KIF17: variants seen among roughly 807,000 people sequenced by gnomAD.
KIF17 encodes the protein kinesin-like protein KIF17.
Under a neutral mutation model 96.8 loss-of-function variants are expected in KIF17, and 80 were observed. The ratio of observed to expected loss-of-function variants is 0.83; its 90% confidence interval spans 0.69 to 1.00. KIF17 has a LOEUF of 1.00. Ranked by LOEUF, KIF17 falls within the 50% of genes least tolerant of loss-of-function variation. KIF17 has a pLI of 0.00. For synonymous variants in KIF17, 567 were observed against 587.5 expected (o/e 0.97, Z 0.51); for missense variants, 1,280 against 1,372.9 (o/e 0.93, Z 1.07).
At chr1:20,712,508 A>T (rs2054455182) in intron 3 of KIF17, among the ~76,000 whole-genome samples, 1 of 144,436 alleles carries the variant, frequency 6.9e-6, no homozygotes, top group Non-Finnish European at 1.5e-5. Flanking sequence ...CAGCTTGGGC[A>T]ACGCAGCGAG....
At chr1:20,707,212 G>A (rs769924780) in intron 4 of KIF17, among the ~76,000 whole-genome samples, 5 of 152,188 alleles carry the variant, frequency 3.3e-5, no homozygotes, top group East Asian at 1.9e-4. Context: ...GCAGGGAACC[G>A]AGTCTGAGGA....
intron 4 of KIF17, among the ~76,000 whole-genome samples, chr1:20,706,998 A>G (rs2054353835): frequency 6.6e-6 from 1 of 152,094 alleles, no homozygotes; most frequent in Non-Finnish European, 1.5e-5. Context: ...CAGGAGGCTG[A>G]GGTGGGAGGG....
chr1:20,715,023 G>A (rs558403050), intron 2 of KIF17, among the ~76,000 whole-genome samples: 3 of 152,314 alleles, frequency 2.0e-5, no homozygotes, highest in Admixed American at 2.0e-4. Context: ...CTGCAGCCTG[G>A]ATGCCGGGAT....
intron 7 of KIF17, among the ~76,000 whole-genome samples, chr1:20,689,947 C>A (rs1292454686): frequency 6.6e-6 from 1 of 152,174 alleles, no homozygotes; most frequent in Non-Finnish European, 1.5e-5. Flanking sequence ...TGCTTGGGTT[C>A]AAATCCTGGC....
In KIF17 at chr1:20,690,339, G is replaced by GC; in HGVS notation, c.1234-5_1234-4insG. 6.2e-7 allele frequency: 1 copy of GC among 1,605,588 alleles called. No homozygotes were observed. The highest frequency in any genetic ancestry group is 8.5e-7 in the Non-Finnish European group (1 of 1,174,170). On this transcript the variant is annotated splice_polypyrimidine_tract_variant and splice_region_variant and intron_variant, in intron 6 of 14. Coordinates refer to ENST00000400463, the MANE Select transcript of KIF17 (RefSeq NM_001122819.3). ...GGGCCAGGCGCTCTTCATACTCCTGGGGGGGTGGGAGGGACCAGAGGGCAG... is the reference window on the plus strand; with the variant it reads ...GGGCCAGGCGCTCTTCATACTCCTGGCGGGGGTGGGAGGGACCAGAGGGCAG...
At chr1:20,669,558 TAATAATAAATA>T (rs1307192514) in intron 13 of KIF17, among the ~76,000 whole-genome samples, 7 of 118,114 alleles carry the variant, frequency 5.9e-5, no homozygotes, top group Admixed American at 8.8e-5. Flanking sequence ...ATAATAATAA[TAATAATAAATA>T]AAATAAAATA....
intron 2 of KIF17, among the ~76,000 whole-genome samples, chr1:20,715,001 G>C (rs763996629): frequency 6.6e-6 from 1 of 152,198 alleles, no homozygotes; most frequent in Non-Finnish European, 1.5e-5. Flanking sequence ...ATGGTCGCCA[G>C]GTAATTCTCA....
chr1:20,712,632 A>ATATATATAATATAGATATTATC (rs2054468749), intron 3 of KIF17, among the ~76,000 whole-genome samples: 1 of 26,854 alleles, frequency 3.7e-5, no homozygotes, highest in African/African-American at 1.2e-4. Flanking sequence ...GATAATATCT[A>ATATATATAATATAGATATTATC]TATATATAAT....
chr1:20,690,032 G>A (rs2054010080), intron 7 of KIF17, among the ~76,000 whole-genome samples, 156 bp downstream of exon 7: 2 of 152,206 alleles, frequency 1.3e-5, no homozygotes, highest in Admixed American at 6.5e-5. Flanking sequence ...TCTATATAGC[G>A]AGCATAATTG....
chr1:20,704,767 G>A lies in KIF17; in HGVS notation c.803C>T (p.Ser268Leu), dbSNP rs567226732. The A allele has an allele frequency of 1.3e-4, 211 of 1,611,800 alleles. 1 individual carries two copies. In the South Asian group the frequency reaches 2.1e-3, roughly 16 times the overall value. The stretch of plus-strand genomic sequence containing the variant: ...CGCCGAGATGACATTGCCCAGTGCC[G>A]AGAGCGACAGGTTGATCTTGGTGGC... ...KEATKINLSL[S>L]ALGNVISALV... The change falls in exon 5 of 15, where the codon TCG (serine) becomes TTG (leucine). Residue 268 changes from serine (S) to leucine (L), a missense_variant. Ser to Leu is a moderately radical substitution (Grantham distance 145). Coordinates refer to ENST00000400463, the MANE Select transcript of KIF17 (RefSeq NM_001122819.3). This position sits in a 1 kb window ranked among gnomAD's most constrained non-coding sequence, Gnocchi z 6.8.
Position 20,717,865 on chromosome 1 carries a change from G to T in KIF17, c.-159C>A, listed in dbSNP as rs1464577946. Reference sequence around the variant, plus strand: ...GGGGGGCGGGGACCCCTCGGGGGGCGCCCCGGAGGGGAGCTGGGCGTCGCA... The same window carrying T: ...GGGGGGCGGGGACCCCTCGGGGGGCTCCCCGGAGGGGAGCTGGGCGTCGCA... On this transcript the variant is annotated 5_prime_UTR_variant, in exon 1 of 15. Transcript: ENST00000400463. 2.1e-5 allele frequency: 8 copies of T among 384,608 alleles called. No individual in the cohort carries two copies. Among genetic ancestry groups the T allele is most frequent in the Non-Finnish European group, 2.5e-5 (8 of 319,094 alleles). 23.8% of individuals were successfully genotyped at this position (384,608 alleles called of 1,614,324 possible). A position where few individuals can be genotyped will look rare whatever the true frequency, so the allele number is the denominator to read the frequency against.
Position 20,687,801 on chromosome 1 carries a change from T to A in KIF17, c.1525A>T (p.Ser509Cys). The change falls in exon 8 of 15, where the codon AGT (serine) becomes TGT (cysteine). Residue 509 changes from serine (S) to cysteine (C), a missense_variant. Ser to Cys is a moderately radical substitution (Grantham distance 112). Coordinates refer to ENST00000400463, the MANE Select transcript of KIF17 (RefSeq NM_001122819.3). The surrounding 1 kb of genome is among the most constrained non-coding windows in gnomAD (Gnocchi z 4.4). ...KVFSTTDTLP[S>C]DDVSKTQVSS... ...ACCTGAGTCTTGGAGACATCGTCAC[T>A]GGGCAGAGTGTCAGTCGTGGAGAAG... is the stretch of plus-strand genomic sequence containing the variant. The A allele has an allele frequency of 6.2e-7, 1 of 1,614,162 alleles. No individual in the cohort carries two copies. The highest frequency in any genetic ancestry group is 8.5e-7 in the Non-Finnish European group (1 of 1,180,026).
In KIF17 at chr1:20,687,644, T is replaced by G; in HGVS notation, c.1682A>C (p.Asn561Thr). 6.2e-7 allele frequency: 1 copy of G among 1,614,130 alleles called. No individual in the cohort carries two copies. Among genetic ancestry groups the G allele is most frequent in the Non-Finnish European group, 8.5e-7 (1 of 1,180,014 alleles). The change falls in exon 8 of 15, where the codon AAC becomes ACC. Residue 561 changes from asparagine to threonine, a missense_variant. Coordinates refer to ENST00000400463, the MANE Select transcript of KIF17 (RefSeq NM_001122819.3). The surrounding 1 kb of genome is among the most constrained non-coding windows in gnomAD (Gnocchi z 4.4). ...EAFPGPEEPS[N>T]VEVSMPTEES... is the part of the protein sequence containing the mutation. ...CTCAGTGGGCATGGAGACCTCCACGTTGGAGGGCTCCTCAGGCCCAGGGAA... is the reference window on the plus strand; with the variant it reads ...CTCAGTGGGCATGGAGACCTCCACGGTGGAGGGCTCCTCAGGCCCAGGGAA...
chr1:20,689,423 G>A (rs1028781856), intron 7 of KIF17, among the ~76,000 whole-genome samples: 8 of 152,212 alleles, frequency 5.3e-5, no homozygotes, highest in African/African-American at 1.9e-4. Flanking sequence ...GGCCAAGGCA[G>A]GTGGATCGCT....
chr1:20,671,817 C>A lies in KIF17; in HGVS notation c.2722+121G>T, dbSNP rs534410159. ...CTCAGAGTCCTGACGCATCAGGTAC[C>A]CAGGGTCACGTGTCTTCTACACCCA... is the stretch of plus-strand genomic sequence containing the variant. On this transcript the variant is annotated intron_variant, in intron 12 of 14. Transcript: ENST00000400463. 1.6e-4 allele frequency: 192 copies of A among 1,228,644 alleles called. 1 individual carries two copies. The African/African-American group carries it at 2.1e-3, about 13-fold the overall frequency. The allele number at this position is 1,228,644 out of a possible 1,614,324, so 76.1% of individuals were successfully genotyped here.
intron 11 of KIF17, among the ~76,000 whole-genome samples, chr1:20,676,644 C>T (rs1344565144): frequency 6.6e-6 from 1 of 151,802 alleles, no homozygotes; most frequent in African/African-American, 2.4e-5. Flanking sequence ...CCAGCCTGGC[C>T]AACATGGTGA....
At chr1:20,708,541 C>T (rs1162037202) in intron 4 of KIF17, among the ~76,000 whole-genome samples, 1 of 152,180 alleles carries the variant, frequency 6.6e-6, no homozygotes, top group Non-Finnish European at 1.5e-5. Flanking sequence ...TGCTCCACTG[C>T]TCTTTGGAGT....
chr1:20,712,590 AT>A (rs1355555939), intron 3 of KIF17, among the ~76,000 whole-genome samples: 3 of 19,442 alleles, frequency 1.5e-4, no homozygotes, highest in African/African-American at 2.4e-4. Context: ...ATCTATATAT[AT>A]ATCTATATAT....
rs142208893 is a variant in KIF17 at position 20,709,378 on chromosome 1, C to T, written c.670+261G>A. Among the ~76,000 whole-genome samples, 194 of 152,218 alleles carry T rather than the reference C, an allele frequency of 1.3e-3. 2 individuals carry two copies. The highest frequency in any genetic ancestry group is 4.5e-3 in the African/African-American group (185 of 41,542). ...TGGGTGACAGGGTGACACTTTGTCTCAAAAAACAAATAAATAAATAAAAAT... is the reference window on the plus strand; with the variant it reads ...TGGGTGACAGGGTGACACTTTGTCTTAAAAAACAAATAAATAAATAAAAAT... On this transcript the variant is annotated intron_variant, in intron 4 of 14. Transcript: ENST00000400463. The surrounding 1 kb of genome is among the most constrained non-coding windows in gnomAD (Gnocchi z 4.7).
Sources: allele counts gnomAD v4.1 joint callset (sites outside exome capture counted in the v4.1 genomes callset), GRCh38; gene constraint gnomAD v4.1.1; non-coding constraint Gnocchi (gnomAD v3.1); transcripts MANE v1.5; gene names NCBI Gene and HGNC (gene_info 2026-07-23, HGNC 2026-07-21).